RBFOX1: variants seen among roughly 807,000 people sequenced by gnomAD.
RBFOX1 encodes RNA binding fox-1 homolog 1.
A neutral mutation model predicts 57.7 loss-of-function variants in RBFOX1; 8 were observed. The ratio of observed to expected loss-of-function variants is 0.14; its 90% CI spans 0.08 to 0.25. RBFOX1 has a LOEUF of 0.25. RBFOX1 is among the 10% of genes least tolerant of loss of function. The probability of loss-of-function intolerance (pLI) is 1.00; values close to 1 mark genes in which losing one functional copy is unlikely to be tolerated. For missense variants in RBFOX1, 611 were observed against 548.5 expected (o/e 1.11, Z -1.14); for synonymous variants, 326 against 222.4 (o/e 1.47, Z -4.15).
At chr16:5,252,452 C>T (rs911769433) in intron 1 of RBFOX1, among the ~76,000 whole-genome samples, 14 of 152,180 alleles carry the variant, frequency 9.2e-5, no homozygotes, top group African/African-American at 2.4e-4. Flanking sequence ...ATGAGAGTTC[C>T]GTGTGGGGGT....
rs144458843 is a variant in RBFOX1, at chr16:6,306,297, A to T, written c.-126-10698A>T. Among the ~76,000 whole-genome samples the T allele has an allele frequency of 5.0e-3, 758 of 152,272 alleles. 5 individuals carry two copies. The highest frequency in any genetic ancestry group is 7.4e-3 in the Non-Finnish European group (503 of 68,006). On this transcript the variant is annotated intron_variant, in intron 1 of 15. Coordinates refer to ENST00000550418, the MANE Select transcript of RBFOX1 (RefSeq NM_018723.4). ...AGGCAGTATTTGAGCTGAGAGTTGA[A>T]TCATGGATGGAAACCACACAGGGGA...
At chr16:7,703,416 C>G (rs1198894227) in intron 14 of RBFOX1, among the ~76,000 whole-genome samples, 3 of 152,096 alleles carry the variant, frequency 2.0e-5, no homozygotes, top group Non-Finnish European at 2.9e-5. Flanking sequence ...GCAGATTTCA[C>G]TCATCTTTCT....
chr16:6,045,370 C>G (rs1046872981), intron 1 of RBFOX1, among the ~76,000 whole-genome samples: 2 of 152,048 alleles, frequency 1.3e-5, no homozygotes. Context: ...GTTGAGAGTT[C>G]TCTAGGAAGT....
chr16:6,255,375 C>T (rs1195467433), intron 1 of RBFOX1, among the ~76,000 whole-genome samples: 1 of 152,030 alleles, frequency 6.6e-6, no homozygotes, highest in African/African-American at 2.4e-5. Context: ...GAAAGGATGG[C>T]TGGTATTTTG....
chr16:6,067,075 T>C (rs777295581), intron 1 of RBFOX1, among the ~76,000 whole-genome samples: 28 of 152,128 alleles, frequency 1.8e-4, no homozygotes, highest in Non-Finnish European at 2.9e-4. Context: ...GGAAATGCAA[T>C]GGAAAAGTCA....
chr16:6,895,416 ATATGTG>A (rs138339201), intron 3 of RBFOX1, among the ~76,000 whole-genome samples: 2,626 of 79,276 alleles, frequency 0.033, 106 homozygotes, highest in East Asian at 0.059. Context: ...TGTTAGTAAT[ATATGTG>A]TGTGTGTGTG....
chr16:6,555,325 A>C (rs1039773619), intron 2 of RBFOX1, among the ~76,000 whole-genome samples: 3 of 152,194 alleles, frequency 2.0e-5, no homozygotes, highest in African/African-American at 7.2e-5. Context: ...CATCATTTCC[A>C]GTGTTATGGT....
intron 4 of RBFOX1, among the ~76,000 whole-genome samples, chr16:5,906,949 C>G (rs1165427135): frequency 2.0e-5 from 3 of 151,826 alleles, no homozygotes; most frequent in Non-Finnish European, 2.9e-5. Flanking sequence ...GTTGGTCAGG[C>G]TGGTCTTGAA....
rs138816902 is a variant in RBFOX1, at chr16:7,278,938, G to C, written c.27+226840G>C. On this transcript the variant is annotated intron_variant, in intron 4 of 15. Coordinates refer to ENST00000550418, the MANE Select transcript of RBFOX1 (RefSeq NM_018723.4). ...GAAGATAGTTAAAATTTGATTGTTC[G>C]ATTGCTTTCTTCTGGCTTTTTTTTC... 3.3e-5 allele frequency among the ~76,000 whole-genome samples: 5 copies of C among 152,130 alleles called. No homozygotes were observed. The East Asian group carries it at 7.7e-4, about 24-fold the overall frequency.
rs142225992 is a variant in RBFOX1, at chr16:7,198,294, C to T, written c.27+146196C>T. 2.2e-3 allele frequency among the ~76,000 whole-genome samples: 339 copies of T among 152,182 alleles called. 1 individual carries two copies. The highest frequency in any genetic ancestry group is 7.2e-3 in the African/African-American group (300 of 41,516). ...TCCTGGGATTACAGGCGTAAGCCAC[C>T]GCACATGGCCAATATACCCGGTGGT... On this transcript the variant is annotated intron_variant, in intron 4 of 15. Coordinates refer to ENST00000550418, the MANE Select transcript of RBFOX1 (RefSeq NM_018723.4).
chr16:6,989,149 G>GCCTT (rs1317589779), intron 3 of RBFOX1, among the ~76,000 whole-genome samples: 2 of 152,178 alleles, frequency 1.3e-5, no homozygotes, highest in Admixed American at 1.3e-4. Context: ...GCCCGCCTCA[G>GCCTT]CCTTCCATAG....
rs1043898800 is a variant in RBFOX1 at position 6,483,866 on chromosome 16, C to A, written c.-64+166809C>A. 2.7e-5 allele frequency: 32 copies of A among 1,183,160 alleles called. No individual in the cohort carries two copies. In the South Asian group the frequency reaches 6.5e-4, roughly 24 times the overall value. The allele number at this position is 1,183,160 out of a possible 1,614,324, so 73.3% of individuals were successfully genotyped here. ...GTGGATGGAATCCGGGAAACCCAAA[C>A]CGGAGATGGAAGGATGAGGCTGCGT... is the stretch of plus-strand genomic sequence containing the variant. On this transcript the variant is annotated intron_variant, in intron 2 of 15. Coordinates refer to ENST00000550418, the MANE Select transcript of RBFOX1 (RefSeq NM_018723.4).
At chr16:6,772,419 CACGT>C (rs1378710329) in intron 3 of RBFOX1, among the ~76,000 whole-genome samples, 3 of 142,742 alleles carry the variant, frequency 2.1e-5, no homozygotes, top group African/African-American at 5.8e-5. Context: ...TGTGTGTGCG[CACGT>C]GCGTGTGTGT....
At chr16:5,606,067 T>C (rs1204796138) in intron 3 of RBFOX1, among the ~76,000 whole-genome samples, 2 of 152,318 alleles carry the variant, frequency 1.3e-5, no homozygotes, top group African/African-American at 4.8e-5. Context: ...GCCCGTGGCA[T>C]GTCTCTAGTT....
chr16:5,489,036 G>A (rs950891243), intron 2 of RBFOX1, among the ~76,000 whole-genome samples: 1 of 152,138 alleles, frequency 6.6e-6, no homozygotes, highest in African/African-American at 2.4e-5. Flanking sequence ...ACATAAGAAC[G>A]CCAAGGCAGA....
intron 2 of RBFOX1, among the ~76,000 whole-genome samples, chr16:6,589,411 G>C (rs897441551): frequency 2.0e-5 from 3 of 152,158 alleles, no homozygotes; most frequent in Non-Finnish European, 4.4e-5. Context: ...TGGTGGGTAG[G>C]GGGTCAGAAA....
chr16:7,197,382 T>G (rs1264717771), intron 4 of RBFOX1, among the ~76,000 whole-genome samples: 2 of 151,642 alleles, frequency 1.3e-5, no homozygotes, highest in Non-Finnish European at 2.9e-5. Context: ...AGTGATGTTT[T>G]TCTTTGAAGC....
chr16:7,005,785 T>G (rs561858783), intron 3 of RBFOX1, among the ~76,000 whole-genome samples: 11 of 152,308 alleles, frequency 7.2e-5, no homozygotes, highest in African/African-American at 2.6e-4. Context: ...AATCGCAAGA[T>G]GACCATTCAT....
chr16:7,651,546 A>G (rs892200947), intron 11 of RBFOX1, among the ~76,000 whole-genome samples: 1 of 152,150 alleles, frequency 6.6e-6, no homozygotes, highest in African/African-American at 2.4e-5. Flanking sequence ...TCCATGCATC[A>G]GTGTATGTGG....
Sources: gnomAD v4.1 joint callset for allele counts (sites outside exome capture counted in the v4.1 genomes callset) on GRCh38, gnomAD v4.1.1 for gene constraint, MANE v1.5 for transcripts, NCBI Gene and HGNC (gene_info 2026-07-23, HGNC 2026-07-21) for gene names.